HLCS: variants seen among roughly 807,000 people sequenced by gnomAD.
HLCS encodes holocarboxylase synthetase, also known as biotin--protein ligase.
In HLCS, 53 loss-of-function variants were observed where a neutral mutation model predicts 75.0. That is an observed-to-expected ratio of 0.71 (90% CI 0.57 to 0.89). The LOEUF is 0.89. Among genes scored for constraint, HLCS ranks in the 40% least tolerant of loss-of-function variants. The pLI is 0.00. For missense variants in HLCS, 966 were observed against 1,074.0 expected (o/e 0.90, Z 1.41); for synonymous variants, 431 against 428.6 (o/e 1.01, Z -0.07).
chr21:36,815,723 G>A (rs896735036), intron 6 of HLCS, among the ~76,000 whole-genome samples: 2 of 152,094 alleles, frequency 1.3e-5, no homozygotes, highest in African/African-American at 4.8e-5. Flanking sequence ...ACCAAAACAG[G>A]CACTCGCTTC....
At chr21:36,939,519 T>C (rs1011861475) in intron 2 of HLCS, among the ~76,000 whole-genome samples, 1 of 152,176 alleles carries the variant, frequency 6.6e-6, no homozygotes, top group African/African-American at 2.4e-5. Flanking sequence ...GGAATCAGGA[T>C]TTAAAACATG....
chr21:36,821,370 T>TG (rs1332795778), intron 6 of HLCS, among the ~76,000 whole-genome samples: 2 of 152,144 alleles, frequency 1.3e-5, no homozygotes, highest in African/African-American at 4.8e-5. Flanking sequence ...CAAGGTTTTA[T>TG]TGAACCACTG....
rs1469541506 is a variant in HLCS at position 36,757,661 on chromosome 21, C to T, written c.2237-906G>A. On this transcript the variant is annotated intron_variant, in intron 9 of 10. Transcript: ENST00000674895. ...ACAGCCTTCCCGGCAAGTGTCCTGC[C>T]GTTTCCAGTGTGAAGGGAAGGATTG... Among the ~76,000 whole-genome samples the T allele has an allele frequency of 5.9e-5, 9 of 152,164 alleles. No individual in the cohort carries two copies. In the South Asian group the frequency reaches 6.2e-4, roughly 11 times the overall value.
At chr21:36,790,507 AG>A (rs1267380712) in intron 6 of HLCS, among the ~76,000 whole-genome samples, 1 of 152,236 alleles carries the variant, frequency 6.6e-6, no homozygotes, top group Non-Finnish European at 1.5e-5. Flanking sequence ...ATGGAGGATT[AG>A]GAAGTGGGAC....
At chr21:36,797,258 C>G (rs949027038) in intron 6 of HLCS, among the ~76,000 whole-genome samples, 1 of 152,062 alleles carries the variant, frequency 6.6e-6, no homozygotes, top group Middle Eastern at 3.2e-3. Flanking sequence ...ACCTTCCAAT[C>G]TGGCCTTAAA....
In HLCS at chr21:36,838,957, T is replaced by A. The variant is rs141762903; in HGVS notation, c.1892+57903A>T. Among the ~76,000 whole-genome samples, 550 of 152,288 alleles carry A rather than the reference T, an allele frequency of 3.6e-3. 3 individuals carry two copies. Among genetic ancestry groups the A allele is most frequent in the African/African-American group, 0.013 (526 of 41,566 alleles). ...CGACAGAGAATTATTTTCAGCTGTT[T>A]TAAGCTGCCAGTTTGCAGGAATTTG... On this transcript the variant is annotated intron_variant, in intron 6 of 10. Coordinates refer to ENST00000674895, the MANE Select transcript of HLCS (RefSeq NM_001352514.2).
At chr21:36,805,703 A>G (rs1262166876) in intron 6 of HLCS, among the ~76,000 whole-genome samples, 1 of 152,128 alleles carries the variant, frequency 6.6e-6, no homozygotes, top group African/African-American at 2.4e-5. Flanking sequence ...TCTTGGTAAA[A>G]TCCAGAGTAT....
At chr21:36,888,440 AAAAAAATATATATATATATATATATAT>A (rs1274679523) in intron 6 of HLCS, among the ~76,000 whole-genome samples, 1 of 30,530 alleles carries the variant, frequency 3.3e-5, no homozygotes, top group Non-Finnish European at 6.4e-5. Flanking sequence ...TTTAAAAAAA[AAAAAAATATATATATATATATATATAT>A]ATATATATAT....
chr21:36,855,243 G>A, intron 6 of HLCS, among the ~76,000 whole-genome samples: 1 of 152,006 alleles, frequency 6.6e-6, no homozygotes. Flanking sequence ...CCAACTTCAA[G>A]AAGTTGGCCA....
chr21:36,868,192 G>GAAGGGAGAAGGGAAGGAAAAAGGA (rs1555916358), intron 6 of HLCS, among the ~76,000 whole-genome samples: 9 of 146,280 alleles, frequency 6.2e-5, no homozygotes, highest in African/African-American at 2.4e-4. Flanking sequence ...GGGGAAAAAG[G>GAAGGGAGAAGGGAAGGAAAAAGGA]AAGGGAAAAG....
chr21:36,962,552 C>T (rs1170671752), intron 1 of HLCS, among the ~76,000 whole-genome samples: 4 of 151,960 alleles, frequency 2.6e-5, no homozygotes, highest in Non-Finnish European at 5.9e-5. Context: ...CTTTGGGAGG[C>T]CAAGGTGGGC....
At chr21:36,866,200 G>C (rs2063549704) in intron 6 of HLCS, among the ~76,000 whole-genome samples, 1 of 101,086 alleles carries the variant, frequency 9.9e-6, no homozygotes, top group Admixed American at 1.2e-4. Context: ...TTTCGGGGCA[G>C]AGGTGGGGGA....
At chr21:36,909,760 G>A (rs1241188357) in intron 5 of HLCS, among the ~76,000 whole-genome samples, 3 of 152,196 alleles carry the variant, frequency 2.0e-5, no homozygotes, top group Non-Finnish European at 4.4e-5. Flanking sequence ...ACTTTAGAGC[G>A]GTTCCACCCC....
intron 6 of HLCS, among the ~76,000 whole-genome samples, chr21:36,853,095 G>C (rs1445229392): frequency 6.6e-6 from 1 of 152,140 alleles, no homozygotes; most frequent in Non-Finnish European, 1.5e-5. Flanking sequence ...TGATGAATAG[G>C]ATTGAAAATG....
Position 36,752,798 on chromosome 21 carries a change from T to C in HLCS, c.*1448A>G, listed in dbSNP as rs1350569305. ...TGTGCCTGGCTAAAGGTAGACAGAC[T>C]ATACTAAAAACCACAAGTTTCTGGA... On this transcript the variant is annotated 3_prime_UTR_variant, in exon 11 of 11. Transcript: ENST00000674895. 2 of 152,246 alleles carry C rather than the reference T, an allele frequency of 1.3e-5. No homozygotes were observed. The highest frequency in any genetic ancestry group is 4.8e-5 in the African/African-American group (2 of 41,458). 9.4% of individuals were successfully genotyped at this position (152,246 alleles called of 1,614,324 possible). A position where few individuals can be genotyped will look rare whatever the true frequency, so the allele number is the denominator to read the frequency against.
rs574539762 is a variant in HLCS, at chr21:36,769,762, G to A, written c.1893-2477C>T. Among the ~76,000 whole-genome samples, 23 of 152,354 alleles carry A rather than the reference G, an allele frequency of 1.5e-4. No homozygotes were observed. The South Asian group carries it at 1.7e-3, about 11-fold the overall frequency. On this transcript the variant is annotated intron_variant, in intron 6 of 10. Coordinates refer to ENST00000674895, the MANE Select transcript of HLCS (RefSeq NM_001352514.2). ...TTACTAAGGACAGCCCAGTAGCCAC[G>A]GAGGCTCTGCCAATGGAACTGTCCT...
At chr21:36,936,356 A>G (rs1202928366) in intron 4 of HLCS, 93 bp downstream of exon 4, 5 of 1,144,012 alleles carry the variant, frequency 4.4e-6, no homozygotes, top group Non-Finnish European at 6.6e-6. Flanking sequence ...CGAACTCCTG[A>G]AACTTTTAAG....
chr21:36,817,977 T>C (rs1382690487), intron 6 of HLCS, among the ~76,000 whole-genome samples: 3 of 152,206 alleles, frequency 2.0e-5, no homozygotes, highest in African/African-American at 7.2e-5. Flanking sequence ...TAAGTGGAGC[T>C]TTTCTTCCAT....
chr21:36,930,100 T>C, intron 5 of HLCS, 151 bp downstream of exon 5: 1 of 739,950 alleles, frequency 1.4e-6, no homozygotes, highest in South Asian at 1.5e-5. Flanking sequence ...AAAATGAATA[T>C]TTGCACATCT....
Sources: gnomAD v4.1 joint callset for allele counts (sites outside exome capture counted in the v4.1 genomes callset) on GRCh38, gnomAD v4.1.1 for gene constraint, MANE v1.5 for transcripts, NCBI Gene and HGNC (gene_info 2026-07-23, HGNC 2026-07-21) for gene names.